DLC1: variants seen among roughly 807,000 people sequenced by gnomAD.
DLC1 encodes the protein DLC1 Rho GTPase activating protein.
DLC1 carries 54 observed loss-of-function variants against 140.3 expected under a neutral mutation model. The observed-to-expected ratio is 0.38, with a 90% CI of 0.31 to 0.48. The LOEUF (loss-of-function observed/expected upper bound fraction) is 0.48, where lower values mean the gene tolerates loss of function less well. Among genes scored for constraint, DLC1 ranks in the 20% least tolerant of loss-of-function variants. The pLI, the probability that DLC1 is intolerant of heterozygous loss-of-function variation, is 0.96. For synonymous variants in DLC1, 986 were observed against 728.1 expected, an observed-to-expected ratio of 1.35 and a Z score of -5.70; for missense variants, 2,536 against 1,907.0, an observed-to-expected ratio of 1.33 and a Z score of -6.14.
At chr8:13,347,195 T>G (rs1050148580) in intron 4 of DLC1, among the ~76,000 whole-genome samples, 4 of 152,202 alleles carry the variant, frequency 2.6e-5, no homozygotes, top group African/African-American at 9.6e-5. Context: ...TGTATACTGT[T>G]TTGGGTATTT....
intron 1 of DLC1, among the ~76,000 whole-genome samples, chr8:13,566,555 T>A (rs544952223): frequency 6.6e-6 from 1 of 152,328 alleles, no homozygotes; most frequent in African/African-American, 2.4e-5. Context: ...GATTTTTAAA[T>A]CTAGATGCAT....
At chr8:13,515,823 C>T (rs1802568724), upstream of DLC1, among the ~76,000 whole-genome samples, 1 of 152,168 alleles carries the variant, frequency 6.6e-6, no homozygotes, top group African/African-American at 2.4e-5. Context: ...TTAATTAGTG[C>T]ATCAATTAAT....
At chr8:13,438,363 A>T (rs1345445918) in intron 2 of DLC1, among the ~76,000 whole-genome samples, 8 of 152,146 alleles carry the variant, frequency 5.3e-5, no homozygotes, top group Admixed American at 2.6e-4. Context: ...TAGGATAAAT[A>T]TCGTGTTTCT....
intron 5 of DLC1, among the ~76,000 whole-genome samples, chr8:13,158,991 T>C (rs970740770): frequency 1.3e-5 from 2 of 152,112 alleles, no homozygotes; most frequent in African/African-American, 2.4e-5. Context: ...ACCAGCGCTG[T>C]ATTCATACAA....
intron 5 of DLC1, among the ~76,000 whole-genome samples, chr8:13,303,551 C>T (rs754386658): frequency 9.9e-5 from 15 of 152,240 alleles, no homozygotes; most frequent in Middle Eastern, 3.4e-3. Flanking sequence ...CCTGTAATCC[C>T]AGCACTTTGG....
At chr8:13,401,044 C>G (rs749471903) in intron 3 of DLC1, among the ~76,000 whole-genome samples, 1 of 152,100 alleles carries the variant, frequency 6.6e-6, no homozygotes, top group Non-Finnish European at 1.5e-5. Flanking sequence ...GTTCAACTGG[C>G]ATCCATCCAT....
intron 5 of DLC1, among the ~76,000 whole-genome samples, chr8:13,144,380 C>T (rs765239308): frequency 6.6e-6 from 1 of 152,126 alleles, no homozygotes; most frequent in Non-Finnish European, 1.5e-5. Flanking sequence ...TGAACTGAGC[C>T]GTGCTATCAG....
At chr8:13,403,948 C>T (rs1004138322) in intron 2 of DLC1, among the ~76,000 whole-genome samples, 1 of 151,032 alleles carries the variant, frequency 6.6e-6, no homozygotes, top group Non-Finnish European at 1.5e-5. Context: ...TTTCTTAATG[C>T]ATATTGTGAA....
At chr8:13,387,519 C>T (rs1836575768) in intron 4 of DLC1, among the ~76,000 whole-genome samples, 2 of 151,790 alleles carry the variant, frequency 1.3e-5, no homozygotes, top group South Asian at 4.1e-4. Context: ...TTACCTCTCA[C>T]TAATATATCA....
chr8:13,177,130 T>G (rs778423602), intron 5 of DLC1, among the ~76,000 whole-genome samples: 11 of 152,216 alleles, frequency 7.2e-5, no homozygotes, highest in Admixed American at 1.3e-4. Flanking sequence ...TATAGTTGAT[T>G]GTCAGAACAG....
At chr8:13,449,801 C>G (rs1462806233) in intron 2 of DLC1, among the ~76,000 whole-genome samples, 3 of 151,814 alleles carry the variant, frequency 2.0e-5, no homozygotes, top group Non-Finnish European at 2.9e-5. Context: ...CACATGTACC[C>G]TAAAACTTAA....
intron 1 of DLC1, among the ~76,000 whole-genome samples, chr8:13,549,231 C>A (rs1290247649): frequency 6.6e-6 from 1 of 151,956 alleles, no homozygotes; most frequent in Non-Finnish European, 1.5e-5. Flanking sequence ...AATAATCAGT[C>A]TTAGCGAGGT....
intron 7 of DLC1, among the ~76,000 whole-genome samples, chr8:13,103,578 C>A (rs1381575020): frequency 6.6e-6 from 1 of 151,758 alleles, no homozygotes; most frequent in African/African-American, 2.4e-5. Context: ...GTGGCTCATG[C>A]CTGTAATCCC....
chr8:13,479,764 C>T (rs1394909379), intron 2 of DLC1, among the ~76,000 whole-genome samples: 1 of 14,180 alleles, frequency 7.1e-5, no homozygotes, highest in Admixed American at 5.6e-4. Context: ...AAGAATCTGT[C>T]TCAGAAAGAA....
chr8:13,539,558 A>G (rs547028338), intron 1 of DLC1, among the ~76,000 whole-genome samples: 6 of 152,222 alleles, frequency 3.9e-5, no homozygotes, highest in African/African-American at 1.4e-4. Flanking sequence ...TCCTTTAAGA[A>G]CAGGAGGCGC....
At chr8:13,568,239 C>T (rs1804526252) in intron 1 of DLC1, 2 of 274,712 alleles carry the variant, frequency 7.3e-6, no homozygotes, top group African/African-American at 2.2e-5. Context: ...CTGTCTTTGG[C>T]GATCAAATGG....
At position 13,393,571 on chromosome 8, in the gene DLC1, T is replaced by A. The variant is rs750434986; in HGVS notation, c.1296A>T (p.Gly432=). The change falls in exon 4 of 18, where the codon GGA becomes GGT. Residue 432 remains glycine (G), a synonymous_variant. Transcript: ENST00000276297. Reference sequence around the variant, plus strand: ...AACTCACCGTAGTCTTGGGTTTGGTTCCAGAATTGGCTACTGGAGTGGAAG... The same window carrying A: ...AACTCACCGTAGTCTTGGGTTTGGTACCAGAATTGGCTACTGGAGTGGAAG... ...LPSSTPVANS[G]TKPKTTAIQG... 6.2e-6 allele frequency: 10 copies of A among 1,613,938 alleles called. No homozygotes were observed. Among genetic ancestry groups the A allele is most frequent in the Non-Finnish European group, 4.2e-6 (5 of 1,179,990 alleles).
intron 5 of DLC1, among the ~76,000 whole-genome samples, chr8:13,292,125 T>A (rs1282727337): frequency 8.5e-5 from 13 of 152,194 alleles, no homozygotes; most frequent in African/African-American, 1.2e-4. Context: ...TTTCTTTTTT[T>A]AAAAAGTTGG....
At chr8:13,469,192 A>T (rs901337300) in intron 2 of DLC1, among the ~76,000 whole-genome samples, 3 of 152,144 alleles carry the variant, frequency 2.0e-5, no homozygotes, top group Non-Finnish European at 4.4e-5. Flanking sequence ...TTGAGTTTAT[A>T]TCATTCCTTT....
Sources: allele counts gnomAD v4.1 joint callset (sites outside exome capture counted in the v4.1 genomes callset), GRCh38; gene constraint gnomAD v4.1.1; transcripts MANE v1.5; gene names NCBI Gene and HGNC (gene_info 2026-07-23, HGNC 2026-07-21).